PHF24: variants seen among roughly 807,000 people sequenced by gnomAD.
PHF24 encodes the protein Galpha inhibitory interacting protein.
A neutral mutation model predicts 42.6 loss-of-function variants in PHF24; 25 were observed. The observed-to-expected ratio is 0.59, with a 90% CI of 0.43 to 0.82. The LOEUF (loss-of-function observed/expected upper bound fraction) is 0.82, where lower values mean the gene tolerates loss of function less well. Among genes scored for constraint, PHF24 ranks in the 40% least tolerant of loss-of-function variants. The probability of loss-of-function intolerance (pLI) is 0.00; values close to 1 mark genes in which losing one functional copy is unlikely to be tolerated. For missense variants in PHF24, 470 were observed against 538.1 expected (o/e 0.87, Z 1.25); for synonymous variants, 185 against 204.8 (o/e 0.90, Z 0.83).
At chr9:34,937,358 T>A in the PHF24 span, among the ~76,000 whole-genome samples, 1 of 152,152 alleles carries the variant, frequency 6.6e-6, no homozygotes, top group African/African-American at 2.4e-5. Flanking sequence ...CCCCCAACCC[T>A]GTGCTCTCTG....
chr9:34,823,512 T>C, the PHF24 span, among the ~76,000 whole-genome samples: 1 of 152,146 alleles, frequency 6.6e-6, no homozygotes, highest in African/African-American at 2.4e-5. Flanking sequence ...CTCTTTCTAG[T>C]ATAGACTCTA....
chr9:34,971,285 T>C lies in PHF24; in HGVS notation c.-4-10T>C, dbSNP rs376541366. 9 of 1,580,498 alleles carry C rather than the reference T, an allele frequency of 5.7e-6. No individual in the cohort carries two copies. The highest frequency in any genetic ancestry group is 1.7e-6 in the Non-Finnish European group (2 of 1,158,038). The stretch of plus-strand genomic sequence containing the variant: ...GGCTGAACCTGTGCCCCTCTGCTTT[T>C]TGTCCACAGAGCCATGGGGGTGTTG... On this transcript the variant is annotated splice_polypyrimidine_tract_variant and intron_variant, in intron 1 of 7. Transcript: ENST00000242315.
chr9:34,874,441 T>C, the PHF24 span, among the ~76,000 whole-genome samples: 19 of 152,188 alleles, frequency 1.2e-4, no homozygotes, highest in Non-Finnish European at 4.4e-5. Flanking sequence ...GTTTCTCACC[T>C]CTTTCTGGAG....
At chr9:34,860,954 T>C in the PHF24 span, among the ~76,000 whole-genome samples, 1 of 152,150 alleles carries the variant, frequency 6.6e-6, no homozygotes, top group Non-Finnish European at 1.5e-5. Flanking sequence ...CCTGGGGGCA[T>C]CTTGTAGACT....
At chr9:34,950,385 A>C in the PHF24 span, among the ~76,000 whole-genome samples, 5 of 151,680 alleles carry the variant, frequency 3.3e-5, no homozygotes, top group East Asian at 1.9e-4. Flanking sequence ...GAAATCATAC[A>C]GAGTATGTTC....
chr9:34,799,998 G>C, the PHF24 span, among the ~76,000 whole-genome samples: 1 of 152,148 alleles, frequency 6.6e-6, no homozygotes, highest in Non-Finnish European at 1.5e-5. Context: ...GGGGGAGTGG[G>C]AGAGAGTGGA....
chr9:34,775,660 A>G, the PHF24 span, among the ~76,000 whole-genome samples: 2 of 152,228 alleles, frequency 1.3e-5, no homozygotes, highest in Admixed American at 6.5e-5. Context: ...AATAAAATCT[A>G]TTTTAAAAAA....
chr9:34,963,370 G>A, intron 1 of PHF24, among the ~76,000 whole-genome samples: 1 of 151,098 alleles, frequency 6.6e-6, no homozygotes, highest in Non-Finnish European at 1.5e-5. Flanking sequence ...ACAGACCCTG[G>A]TTGTGTTGAT....
chr9:34,928,108 T>C, the PHF24 span, among the ~76,000 whole-genome samples: 1 of 149,620 alleles, frequency 6.7e-6, no homozygotes, highest in Non-Finnish European at 1.5e-5. Context: ...CCCAGCTACT[T>C]GGGAGGCTGA....
chr9:34,942,812 AC>A, the PHF24 span, among the ~76,000 whole-genome samples: 1 of 152,098 alleles, frequency 6.6e-6, no homozygotes, highest in South Asian at 2.1e-4. Flanking sequence ...GAACACTTGG[AC>A]CAAAGGCGGG....
At chr9:34,889,717 A>G in the PHF24 span, 1 of 397,580 alleles carries the variant, frequency 2.5e-6, no homozygotes, top group East Asian at 3.6e-5. Flanking sequence ...TGGCCCTGCA[A>G]ATTTTGACCC....
At chr9:34,705,932 G>A in the PHF24 span, among the ~76,000 whole-genome samples, 1 of 152,174 alleles carries the variant, frequency 6.6e-6, no homozygotes, top group South Asian at 2.1e-4. Flanking sequence ...TTTATACCTC[G>A]AAGTTATAAC....
At chr9:34,867,608 G>T in the PHF24 span, among the ~76,000 whole-genome samples, 5 of 152,174 alleles carry the variant, frequency 3.3e-5, no homozygotes, top group Admixed American at 2.6e-4. Context: ...TTCCCTTAAA[G>T]ACCGCAGAGG....
the PHF24 span, among the ~76,000 whole-genome samples, chr9:34,948,109 C>CA: frequency 0.24 from 21,250 of 90,102 alleles, 2,079 homozygotes; most frequent in Middle Eastern, 0.31. Flanking sequence ...GACTCCGTCT[C>CA]AAAAAAAAAA....
the PHF24 span, among the ~76,000 whole-genome samples, chr9:34,765,397 C>T: frequency 2.7e-5 from 4 of 149,746 alleles, no homozygotes. Flanking sequence ...TATTGGGTGC[C>T]TATATATTTA....
the PHF24 span, among the ~76,000 whole-genome samples, chr9:34,782,250 C>T: frequency 1.3e-5 from 2 of 152,154 alleles, no homozygotes; most frequent in Non-Finnish European, 2.9e-5. Flanking sequence ...GAGAGCAAGA[C>T]TCAGTGATTT....
At chr9:34,706,396 T>A in the PHF24 span, among the ~76,000 whole-genome samples, 1 of 152,250 alleles carries the variant, frequency 6.6e-6, no homozygotes, top group African/African-American at 2.4e-5. Context: ...TACTTAGACA[T>A]ATGGCACTAA....
the PHF24 span, among the ~76,000 whole-genome samples, chr9:34,789,050 G>A: frequency 2.0e-5 from 3 of 152,092 alleles, no homozygotes; most frequent in Non-Finnish European, 4.4e-5. Flanking sequence ...ATCCAACACC[G>A]GGCCCACGCA....
chr9:34,971,384 G>C (rs10972276), exon 2 of PHF24: 1 of 1,614,130 alleles, frequency 6.2e-7, no homozygotes. Context: ...GATGGGCTGC[G>C]GGACAGGCCT....
Sources: allele counts gnomAD v4.1 joint callset (sites outside exome capture counted in the v4.1 genomes callset), GRCh38; gene constraint gnomAD v4.1.1; transcripts MANE v1.5; gene names NCBI Gene and HGNC (gene_info 2026-07-23, HGNC 2026-07-21).